Variants in HIVEP3 observed in about 807,000 individuals in gnomAD.
HIVEP3 encodes transcription factor HIVEP3.
A neutral mutation model predicts 152.8 loss-of-function variants in HIVEP3; 49 were observed. The observed-to-expected ratio is 0.32, with a 90% CI of 0.26 to 0.41. HIVEP3 has a LOEUF of 0.41. Ranked by LOEUF, HIVEP3 falls within the 10% of genes least tolerant of loss-of-function variation. HIVEP3 has a pLI of 1.00. For synonymous variants in HIVEP3, 1,269 were observed against 1,289.0 expected (o/e 0.98, Z 0.33); for missense variants, 2,790 against 3,103.3 (o/e 0.90, Z 2.40).
intron 1 of HIVEP3, among the ~76,000 whole-genome samples, chr1:41,712,743 C>A (rs1223544397): frequency 6.6e-6 from 1 of 152,196 alleles, no homozygotes; most frequent in Admixed American, 6.5e-5. Context: ...CCCTGCATGG[C>A]CCGGCAGCCC....
At chr1:41,930,203 A>C (rs1644989691) in intron 1 of HIVEP3, among the ~76,000 whole-genome samples, 1 of 152,170 alleles carries the variant, frequency 6.6e-6, no homozygotes, top group African/African-American at 2.4e-5. Context: ...GTACAGATCT[A>C]TGGGTTTGAC....
chr1:41,909,362 A>G (rs545187563), intron 1 of HIVEP3, among the ~76,000 whole-genome samples: 1 of 152,312 alleles, frequency 6.6e-6, no homozygotes, highest in South Asian at 2.1e-4. Context: ...ATAGACTTAA[A>G]GACTAAAAGA....
Position 41,511,258 on chromosome 1 carries a change from G to T in HIVEP3, c.6414C>A (p.Ala2138=). The part of the protein sequence containing the change: ...PETCASPWQK[A]ESRSPSCSPG... The stretch of plus-strand genomic sequence containing the variant: ...GTGAGCAGGAGGGACTTCGGGACTC[G>T]GCCTTCTGCTGGGGTCAGAAAACAA... Residue 2138 remains alanine, a synonymous_variant, in exon 9 of 9, where the codon GCC becomes GCA. Coordinates refer to ENST00000372583, the MANE Select transcript of HIVEP3 (RefSeq NM_024503.5). This position sits in a 1 kb window ranked among gnomAD's most constrained non-coding sequence, Gnocchi z 4.9. 1 of 1,602,668 alleles carries T rather than the reference G, an allele frequency of 6.2e-7. No individual in the cohort carries two copies.
At chr1:41,991,487 G>C (rs1487344335) in intron 1 of HIVEP3, among the ~76,000 whole-genome samples, 1 of 150,456 alleles carries the variant, frequency 6.6e-6, no homozygotes, top group Non-Finnish European at 1.5e-5. Context: ...AACAGGATCT[G>C]AAATTGTGGC....
intron 4 of HIVEP3, among the ~76,000 whole-genome samples, chr1:41,578,784 C>G (rs1644359791): frequency 6.6e-6 from 1 of 152,218 alleles, no homozygotes; most frequent in Admixed American, 6.5e-5. Flanking sequence ...CTCTGACCCT[C>G]AGTTCCCTAA....
At chr1:41,693,630 T>C (rs1324711188) in intron 2 of HIVEP3, among the ~76,000 whole-genome samples, 1 of 152,212 alleles carries the variant, frequency 6.6e-6, no homozygotes, top group Non-Finnish European at 1.5e-5. Flanking sequence ...CTGATTGTTG[T>C]GGGGTGGGGT....
At chr1:41,721,282 A>G (rs956047665) in intron 1 of HIVEP3, among the ~76,000 whole-genome samples, 14 of 151,720 alleles carry the variant, frequency 9.2e-5, no homozygotes, top group Middle Eastern at 3.4e-3. Context: ...ATCTCGGCTC[A>G]CTGCAACCTC....
intron 1 of HIVEP3, among the ~76,000 whole-genome samples, chr1:41,993,717 A>T (rs1406277624): frequency 1.3e-5 from 2 of 151,448 alleles, no homozygotes; most frequent in African/African-American, 4.8e-5. Flanking sequence ...TTATTGCGGC[A>T]CTATTCACAA....
At chr1:41,637,858 C>T (rs1191409578) in intron 2 of HIVEP3, among the ~76,000 whole-genome samples, 1 of 152,036 alleles carries the variant, frequency 6.6e-6, no homozygotes, top group Non-Finnish European at 1.5e-5. Flanking sequence ...TGGGGCAGAG[C>T]AGAATGGGGG....
In HIVEP3 at chr1:41,584,860, A is replaced by G; in HGVS notation, c.-63T>C. 1 of 1,382,998 alleles carries G rather than the reference A, an allele frequency of 7.2e-7. No homozygotes were observed. The highest frequency in any genetic ancestry group is 9.6e-7 in the Non-Finnish European group (1 of 1,044,498). 85.7% of individuals were successfully genotyped at this position (1,382,998 alleles called of 1,614,324 possible). A position where few individuals can be genotyped will look rare whatever the true frequency, so the allele number is the denominator to read the frequency against. ...TCAGGGCGGGCTGCATTTATGAATAATCCCAGTGTCCCAAGGAGGTGTCCA... is the reference window on the plus strand; with the variant it reads ...TCAGGGCGGGCTGCATTTATGAATAGTCCCAGTGTCCCAAGGAGGTGTCCA... On this transcript the variant is annotated 5_prime_UTR_variant, in exon 4 of 9. Coordinates refer to ENST00000372583, the MANE Select transcript of HIVEP3 (RefSeq NM_024503.5). The surrounding 1 kb of genome is among the most constrained non-coding windows in gnomAD (Gnocchi z 5.2).
chr1:41,952,587 T>C (rs749394424), intron 1 of HIVEP3, among the ~76,000 whole-genome samples: 1 of 152,164 alleles, frequency 6.6e-6, no homozygotes, highest in Non-Finnish European at 1.5e-5. Context: ...TTCTATGTAG[T>C]CTCATGAAAG....
chr1:41,687,800 T>G (rs1646136154), intron 2 of HIVEP3, among the ~76,000 whole-genome samples: 1 of 152,252 alleles, frequency 6.6e-6, no homozygotes, highest in Non-Finnish European at 1.5e-5. Flanking sequence ...CAGTGGTTTT[T>G]AACCTTTTTT....
chr1:41,555,792 C>T (rs1333515242), intron 5 of HIVEP3, among the ~76,000 whole-genome samples: 2 of 152,218 alleles, frequency 1.3e-5, no homozygotes, highest in Non-Finnish European at 2.9e-5. Flanking sequence ...CTCCCCATCT[C>T]CTCCTTCCTC....
intron 1 of HIVEP3, among the ~76,000 whole-genome samples, chr1:41,913,365 A>G (rs2124467099): frequency 6.6e-6 from 1 of 152,304 alleles, no homozygotes; most frequent in South Asian, 2.1e-4. Context: ...TCTTCTATTT[A>G]AATCCAATCA....
intron 1 of HIVEP3, among the ~76,000 whole-genome samples, chr1:41,941,145 A>T (rs550287367): frequency 6.6e-6 from 1 of 152,174 alleles, no homozygotes; most frequent in Non-Finnish European, 1.5e-5. Flanking sequence ...AAGTGGATGG[A>T]AGGCAGACAG....
intron 2 of HIVEP3, among the ~76,000 whole-genome samples, chr1:41,691,490 T>C (rs1235782293): frequency 1.3e-5 from 2 of 152,116 alleles, no homozygotes; most frequent in Non-Finnish European, 2.9e-5. Context: ...GGTGATTAGG[T>C]TCTGGGGACA....
chr1:41,693,420 T>A (rs1410968073), intron 2 of HIVEP3, among the ~76,000 whole-genome samples: 2 of 152,240 alleles, frequency 1.3e-5, no homozygotes, highest in African/African-American at 4.8e-5. Flanking sequence ...CCCTGGGTGA[T>A]GACTCTTCAC....
intron 5 of HIVEP3, among the ~76,000 whole-genome samples, chr1:41,532,295 C>G (rs143175685): frequency 3.8e-4 from 55 of 143,052 alleles, no homozygotes; most frequent in African/African-American, 1.4e-3. Context: ...AGAGATGGAG[C>G]ACAGGAGAGA....
At chr1:41,740,416 G>A (rs1173713593) in intron 1 of HIVEP3, among the ~76,000 whole-genome samples, 1 of 152,240 alleles carries the variant, frequency 6.6e-6, no homozygotes, top group African/African-American at 2.4e-5. Context: ...CAAACCTGGT[G>A]TGATTGGGCG....
Sources: gnomAD v4.1 joint callset for allele counts (sites outside exome capture counted in the v4.1 genomes callset) on GRCh38, gnomAD v4.1.1 for gene constraint, Gnocchi (gnomAD v3.1) non-coding constraint, MANE v1.5 for transcripts, NCBI Gene and HGNC (gene_info 2026-07-23, HGNC 2026-07-21) for gene names.